The following PNPLA4 variants were observed in gnomAD, a reference collection of about 807,000 sequenced individuals.
PNPLA4 encodes the protein patatin-like phospholipase domain-containing protein 4.
In PNPLA4, 15 loss-of-function variants were observed where a neutral mutation model predicts 18.3. That is an observed-to-expected ratio of 0.82 (90% CI 0.55 to 1.26). The LOEUF is 1.26. Ranked by LOEUF, PNPLA4 falls within the 50% of genes most tolerant of loss-of-function variation. The pLI, the probability that PNPLA4 is intolerant of heterozygous loss-of-function variation, is 0.00. For synonymous variants in PNPLA4, 88 were observed against 85.6 expected (o/e 1.03, Z -0.16); for missense variants, 229 against 196.8 (o/e 1.16, Z -0.98).
chrX:7,922,944 G>A (rs777061709), intron 2 of PNPLA4, among the ~76,000 whole-genome samples: 1 of 112,134 alleles, frequency 8.9e-6, no homozygotes, highest in South Asian at 3.7e-4. Context: ...GGCTATAAGA[G>A]CCCCCACAAG....
At chrX:7,913,410 G>GC (rs1162818886) in intron 4 of PNPLA4, among the ~76,000 whole-genome samples, 5 of 112,254 alleles carry the variant, frequency 4.5e-5, no homozygotes, top group Non-Finnish European at 9.4e-5. Flanking sequence ...GCTGTTGGTG[G>GC]CATGTTGGTT....
intron 6 of PNPLA4, among the ~76,000 whole-genome samples, 180 bp from the exon 7 acceptor site, chrX:7,900,997 T>C (rs1923513976): frequency 8.9e-6 from 1 of 111,863 alleles, no homozygotes; most frequent in Non-Finnish European, 1.9e-5. Context: ...TTTCTCAGCC[T>C]TGGTACTGCT....
chrX:7,905,143 A>G (rs1334698928), intron 5 of PNPLA4, among the ~76,000 whole-genome samples: 1 of 112,010 alleles, frequency 8.9e-6, no homozygotes, highest in African/African-American at 3.2e-5. Context: ...AAACAAAAAA[A>G]CTCATGCCCA....
chrX:7,901,622 T>C (rs1281474214), intron 6 of PNPLA4, among the ~76,000 whole-genome samples: 1 of 110,812 alleles, frequency 9.0e-6, no homozygotes, highest in East Asian at 2.8e-4. Flanking sequence ...TCCTACCAAG[T>C]TTATTGATGT....
At chrX:7,911,705 C>T (rs185344747) in intron 5 of PNPLA4, among the ~76,000 whole-genome samples, 3 of 110,463 alleles carry the variant, frequency 2.7e-5, no homozygotes, top group South Asian at 4.0e-4. Context: ...CTCACCCTGA[C>T]GGTGGTACAA....
chrX:7,921,644 A>G, intron 4 of PNPLA4, 69 bp downstream of exon 4: 2 of 976,327 alleles, frequency 2.0e-6, no homozygotes, highest in Non-Finnish European at 2.9e-6. Context: ...GGTAATGCTC[A>G]TTACTTTATA....
chrX:7,922,187 A>C (rs1383935909), intron 2 of PNPLA4, 89 bp from the exon 3 acceptor site: 60 of 640,239 alleles, frequency 9.4e-5, no homozygotes, highest in South Asian at 1.3e-4. Flanking sequence ...TAGACCCAAC[A>C]GCAAATGTAG....
At chrX:7,924,483 T>C (rs1420980209) in intron 2 of PNPLA4, among the ~76,000 whole-genome samples, 2 of 112,141 alleles carry the variant, frequency 1.8e-5, no homozygotes, top group Non-Finnish European at 1.9e-5. Context: ...AAAAATTATT[T>C]TGAAGAAGAA....
chrX:7,906,737 G>A (rs192639220), intron 5 of PNPLA4, among the ~76,000 whole-genome samples: 21 of 112,132 alleles, frequency 1.9e-4, no homozygotes, highest in African/African-American at 6.8e-4. Context: ...AAGCCACGAG[G>A]AAATAGAAGC....
Position 7,900,756 on chromosome X carries a change from A to T in PNPLA4, c.692T>A (p.Met231Lys). The T allele has an allele frequency of 8.3e-7, 1 of 1,198,773 alleles. No homozygotes were observed. The highest frequency in any genetic ancestry group is 3.0e-5 in the East Asian group (1 of 33,726). The change falls in exon 7 of 7, where the codon ATG becomes AAG. Residue 231 changes from methionine (M) to lysine (K), a missense_variant. Physicochemically the swap from Met to Lys is moderately conservative, Grantham distance 95 (BLOSUM62 -1). Coordinates refer to ENST00000381042, the MANE Select transcript of PNPLA4 (RefSeq NM_004650.3). ...AAAACCACACTGATACAAAGATTCCATTTTCCTCTTGCTTGGGGGAAAAAG... is the reference window on the plus strand; with the variant it reads ...AAAACCACACTGATACAAAGATTCCTTTTTCCTCTTGCTTGGGGGAAAAAG... ...QALFPPSKRKMESLYQCGFDD... is the reference protein window; with the variant it reads ...QALFPPSKRKKESLYQCGFDD...
At chrX:7,912,313 G>A (rs1222437584) in intron 4 of PNPLA4, among the ~76,000 whole-genome samples, 11 of 112,054 alleles carry the variant, frequency 9.8e-5, no homozygotes, top group African/African-American at 3.6e-4. Context: ...ACTTCACCTA[G>A]GTAAAAATCA....
rs148484252 is a variant in PNPLA4, at chrX:7,913,094, C to T, written c.412-1001G>A. ...GCATAACAATTTCCATAGGAAAATCCTCTTTTGAGCTGTGACCCGACACAG... is the reference window on the plus strand; with the variant it reads ...GCATAACAATTTCCATAGGAAAATCTTCTTTTGAGCTGTGACCCGACACAG... On this transcript the variant is annotated intron_variant, in intron 4 of 6. Coordinates refer to ENST00000381042, the MANE Select transcript of PNPLA4 (RefSeq NM_004650.3). 9.7e-3 allele frequency among the ~76,000 whole-genome samples: 1,080 copies of T among 111,763 alleles called. 10 individuals carry two copies. The highest frequency in any genetic ancestry group is 0.033 in the African/African-American group (1,029 of 30,724).
chrX:7,925,960 T>C lies in PNPLA4; in HGVS notation c.160A>G (p.Thr54Ala), dbSNP rs909234507. The stretch of plus-strand genomic sequence containing the variant: ...ATTACCTCTATTTTTTCTGGTGCTG[T>C]TAGCAGAACAGAAGCAACCAACGAT... ...AGSLVASVLL[T>A]APEKIEECNQ... The change falls in exon 2 of 7, where the codon ACA becomes GCA. Residue 54 changes from threonine (T) to alanine (A), a missense_variant. By Grantham distance (58) the Thr-to-Ala change is moderately conservative. Coordinates refer to ENST00000381042, the MANE Select transcript of PNPLA4 (RefSeq NM_004650.3). The C allele has an allele frequency of 1.7e-6, 2 of 1,210,498 alleles. No individual in the cohort carries two copies. Among genetic ancestry groups the C allele is most frequent in the Non-Finnish European group, 2.2e-6 (2 of 894,644 alleles).
intron 4 of PNPLA4, among the ~76,000 whole-genome samples, chrX:7,913,738 C>CCTTT (rs1923948442): frequency 8.9e-6 from 1 of 112,284 alleles, no homozygotes; most frequent in Non-Finnish European, 1.9e-5. Flanking sequence ...ATGGTGAGGC[C>CCTTT]CTTTGGATAG....
Position 7,912,019 on chromosome X carries a change from C to A in PNPLA4, c.477+9G>T. The A allele has an allele frequency of 8.5e-7, 1 of 1,179,059 alleles. No homozygotes were observed. Among genetic ancestry groups the A allele is most frequent in the Non-Finnish European group, 1.2e-6 (1 of 867,134 alleles). Reference sequence around the variant, plus strand: ...GAGGAGGGTAATTCCTCAGTTATAACAAGCTTACCTGCCCTTTGTATTCCA... The same window carrying A: ...GAGGAGGGTAATTCCTCAGTTATAAAAAGCTTACCTGCCCTTTGTATTCCA... On this transcript the variant is annotated intron_variant, in intron 5 of 6. Transcript: ENST00000381042.
At chrX:7,906,063 C>T (rs5980307) in intron 5 of PNPLA4, among the ~76,000 whole-genome samples, 1,363 of 111,985 alleles carry the variant, frequency 0.012, 24 homozygotes, top group African/African-American at 0.041. Flanking sequence ...TGGGGCAGGG[C>T]AAATTAGAAC....
chrX:7,900,933 A>C (rs1923512543), intron 6 of PNPLA4, 116 bp from the exon 7 acceptor site: 3 of 587,930 alleles, frequency 5.1e-6, no homozygotes, highest in Non-Finnish European at 7.6e-6. Context: ...ACAAAAAATC[A>C]GTAGGAAAAA....
intron 5 of PNPLA4, among the ~76,000 whole-genome samples, chrX:7,902,881 C>T (rs893340535): frequency 1.6e-4 from 18 of 112,000 alleles, no homozygotes; most frequent in African/African-American, 5.9e-4. Context: ...GACAATATTC[C>T]TTCTGCTGTC....
chrX:7,922,524 G>A (rs1924262678), intron 2 of PNPLA4, among the ~76,000 whole-genome samples: 2 of 112,436 alleles, frequency 1.8e-5, no homozygotes, highest in South Asian at 7.4e-4. Flanking sequence ...AATAGGAGTA[G>A]TGACGTCTAT....
Sources: allele counts gnomAD v4.1 joint callset (sites outside exome capture counted in the v4.1 genomes callset), GRCh38; gene constraint gnomAD v4.1.1; transcripts MANE v1.5; gene names NCBI Gene and HGNC (gene_info 2026-07-23, HGNC 2026-07-21).